ANK2: variants seen among roughly 807,000 people sequenced by gnomAD.
ANK2 encodes the protein ankyrin-2.
Under a neutral mutation model 360.5 loss-of-function variants are expected in ANK2, and 83 were observed. The ratio of observed to expected loss-of-function variants is 0.23; its 90% CI spans 0.19 to 0.28. The LOEUF is 0.28. Ranked by LOEUF, ANK2 falls within the 10% of genes least tolerant of loss-of-function variation. The probability of loss-of-function intolerance (pLI) is 1.00; values close to 1 mark genes in which losing one functional copy is unlikely to be tolerated. For missense variants in ANK2, 4,201 were observed against 4,795.7 expected (o/e 0.88, Z 3.66); for synonymous variants, 1,740 against 1,759.5 (o/e 0.99, Z 0.28).
chr4:113,214,161 G>A, intron 4 of ANK2: 2 of 686,438 alleles, frequency 2.9e-6, no homozygotes, highest in Non-Finnish European at 5.1e-6. Flanking sequence ...GCTGTGAATT[G>A]CACAACTCAC....
intron 2 of ANK2, among the ~76,000 whole-genome samples, chr4:112,939,308 A>C (rs986510282): frequency 9.2e-5 from 14 of 151,962 alleles, no homozygotes; most frequent in Non-Finnish European, 7.4e-5. Context: ...TTCTTTCTTT[A>C]TTTTTATTTA....
intron 34 of ANK2, 131 bp downstream of exon 34, chr4:113,343,273 T>G (rs1299096944): frequency 1.0e-6 from 1 of 985,378 alleles, no homozygotes; most frequent in African/African-American, 1.6e-5. Flanking sequence ...TTTGTAACGT[T>G]TTACAGCCCT....
At chr4:112,853,954 A>G (rs1261924481) in intron 1 of ANK2, among the ~76,000 whole-genome samples, 1 of 152,262 alleles carries the variant, frequency 6.6e-6, no homozygotes, top group Non-Finnish European at 1.5e-5. Context: ...TGCTAGGAAT[A>G]ATGTTAGGCA....
chr4:113,262,634 AAAAAAT>A (rs1381460366), intron 13 of ANK2, among the ~76,000 whole-genome samples: 1 of 152,182 alleles, frequency 6.6e-6, no homozygotes, highest in Non-Finnish European at 1.5e-5. Context: ...AAAATATTTG[AAAAAAT>A]AAAAATAAAA....
intron 9 of ANK2, among the ~76,000 whole-genome samples, chr4:113,243,875 A>T (rs942683469): frequency 1.3e-4 from 20 of 152,212 alleles, no homozygotes; most frequent in Non-Finnish European, 2.8e-4. Flanking sequence ...AAAAATTTTT[A>T]TCTTGGCCAA....
chr4:113,371,417 T>A (rs6533678), intron 43 of ANK2, among the ~76,000 whole-genome samples: 40,700 of 152,126 alleles, frequency 0.27, 7,940 homozygotes, highest in African/African-American at 0.55. Flanking sequence ...AAAATGTTTC[T>A]TACATGTTAT....
intron 1 of ANK2, among the ~76,000 whole-genome samples, chr4:112,903,921 G>A (rs774139882): frequency 5.9e-5 from 9 of 152,238 alleles, no homozygotes; most frequent in Non-Finnish European, 1.3e-4. Flanking sequence ...AAATAGATAC[G>A]ATATATGAGA....
rs747716757 is a variant in ANK2 at position 113,369,764 on chromosome 4, G to C, written c.11569G>C (p.Glu3857Gln). ...AGTGGAGTCTGCCGATAACCAGCCT[G>C]AGACCTGTGAAAGACTCGATGAAGA... ...VIVESADNQP[E>Q]TCERLDEDAA... Residue 3857 changes from glutamate to glutamine, a missense_variant, in exon 43 of 46, where the codon GAG (glutamate) becomes CAG (glutamine). This residue lies in a region of ANK2 where 2,642 missense variants were observed against 2,714.5 expected (regional missense o/e 0.97). Transcript: ENST00000357077. 6.2e-7 allele frequency: 1 copy of C among 1,614,142 alleles called. No homozygotes were observed. The highest frequency in any genetic ancestry group is 2.2e-5 in the East Asian group (1 of 44,878).
chr4:113,015,721 T>C (rs1356417029), intron 2 of ANK2, among the ~76,000 whole-genome samples: 1 of 152,208 alleles, frequency 6.6e-6, no homozygotes, highest in Non-Finnish European at 1.5e-5. Context: ...AAAAACCTTA[T>C]AGATTTTGAA....
chr4:112,874,517 C>T (rs1340344039), intron 1 of ANK2, among the ~76,000 whole-genome samples: 1 of 151,420 alleles, frequency 6.6e-6, no homozygotes, highest in African/African-American at 2.4e-5. Context: ...TGGCAGGCGC[C>T]TGTAATCCCA....
chr4:113,220,894 C>T (rs948130829), intron 4 of ANK2, among the ~76,000 whole-genome samples: 19 of 152,182 alleles, frequency 1.2e-4, no homozygotes, highest in African/African-American at 4.6e-4. Context: ...ACTATGTTCT[C>T]AGCACAATGC....
At chr4:113,109,838 A>G (rs1040022242) in intron 1 of ANK2, among the ~76,000 whole-genome samples, 18 of 152,184 alleles carry the variant, frequency 1.2e-4, no homozygotes, top group South Asian at 2.1e-4. Context: ...CATGCTGTTC[A>G]TACAGGTGCT....
In ANK2 at chr4:113,355,652, A is replaced by C. The variant is rs776648458; in HGVS notation, c.7034A>C (p.Glu2345Ala). The C allele has an allele frequency of 2.5e-6, 4 of 1,614,096 alleles. No individual in the cohort carries two copies. The South Asian group carries it at 4.4e-5, about 18-fold the overall frequency. ...LAKETPTGLT[E>A]EAACDEGQRT... ...AAAGAGACACCTACAGGACTGACTGAGGAGGCAGCCTGTGATGAAGGTCAA... is the reference window on the plus strand; with the variant it reads ...AAAGAGACACCTACAGGACTGACTGCGGAGGCAGCCTGTGATGAAGGTCAA... The change falls in exon 38 of 46, where the codon GAG becomes GCG. Residue 2345 changes from glutamate (E) to alanine (A), a missense_variant. Physicochemically the swap from Glu to Ala is moderately radical, Grantham distance 107. Around this residue, in one of 4 missense-constraint regions of ANK2, gnomAD observed 2,642 missense variants for 2,714.5 expected, o/e 0.97. Coordinates refer to ENST00000357077, the MANE Select transcript of ANK2 (RefSeq NM_001148.6).
intron 2 of ANK2, among the ~76,000 whole-genome samples, chr4:113,029,091 G>C (rs975835919): frequency 2.6e-5 from 4 of 152,100 alleles, no homozygotes; most frequent in Admixed American, 1.3e-4. Flanking sequence ...GCTGGATTTA[G>C]AGTAACTGAA....
At chr4:113,113,553 G>A (rs955000543) in intron 1 of ANK2, among the ~76,000 whole-genome samples, 11 of 152,306 alleles carry the variant, frequency 7.2e-5, no homozygotes, top group Admixed American at 7.2e-4. Flanking sequence ...AATGTGAACG[G>A]ACAGTGTGCT....
chr4:113,131,898 A>G (rs1294788944), intron 1 of ANK2, among the ~76,000 whole-genome samples: 2 of 152,230 alleles, frequency 1.3e-5, no homozygotes, highest in Admixed American at 6.5e-5. Context: ...GGCAAGATAT[A>G]AGAGTGAAAT....
intron 22 of ANK2, among the ~76,000 whole-genome samples, chr4:113,296,512 CTTTT>C (rs2153761941): frequency 6.6e-6 from 1 of 152,226 alleles, no homozygotes; most frequent in East Asian, 1.9e-4. Context: ...CCTATTCTTT[CTTTT>C]GAGTTCTTTA....
chr4:113,376,802 G>GTTTTTTT (rs36011726), intron 45 of ANK2, among the ~76,000 whole-genome samples: 3 of 114,176 alleles, frequency 2.6e-5, no homozygotes, highest in Non-Finnish European at 3.4e-5. Flanking sequence ...ACTTTTTAAG[G>GTTTTTTT]TTTTTTTTTT....
At position 113,375,307 on chromosome 4, in the gene ANK2, TGC is replaced by T. The variant is rs1162287673; in HGVS notation, c.11859+1859_11859+1860del. Among the ~76,000 whole-genome samples, 10 of 152,354 alleles carry T rather than the reference TGC, an allele frequency of 6.6e-5. No individual in the cohort carries two copies. In the East Asian group the frequency reaches 1.2e-3, roughly 18 times the overall value. ...AAATAAAGACATTGCAAATTATATT[TGC>T]TAGCCAGTCTTTTCAAATATAATCT... On this transcript the variant is annotated intron_variant, in intron 45 of 45. Transcript: ENST00000357077.
Sources: gnomAD v4.1 joint callset for allele counts (sites outside exome capture counted in the v4.1 genomes callset) on GRCh38, gnomAD v4.1.1 for gene constraint, gnomAD v4.1.1 regional missense constraint, MANE v1.5 for transcripts, NCBI Gene and HGNC (gene_info 2026-07-23, HGNC 2026-07-21) for gene names.